The following ICAM2 variants were observed in gnomAD, a reference collection of about 807,000 sequenced individuals.
ICAM2 encodes intercellular adhesion molecule 2.
A neutral mutation model predicts 19.1 loss-of-function variants in ICAM2; 14 were observed. The observed-to-expected ratio is 0.73, with a 90% CI of 0.48 to 1.15. The LOEUF (loss-of-function observed/expected upper bound fraction) is 1.15, where lower values mean the gene tolerates loss of function less well. Among genes scored for constraint, ICAM2 ranks in the 50% most tolerant of loss-of-function variants. ICAM2 has a pLI of 0.00. For missense variants in ICAM2, 311 were observed against 355.4 expected (o/e 0.88, Z 1.00); for synonymous variants, 153 against 152.7 (o/e 1.00, Z -0.01).
At chr17:64,014,699 AAGGAAGG>A (rs1567849714) in intron 1 of ICAM2, among the ~76,000 whole-genome samples, 24 of 24,806 alleles carry the variant, frequency 9.7e-4, no homozygotes, top group African/African-American at 1.6e-3. Flanking sequence ...GGAAGGAAGG[AAGGAAGG>A]AAGGAAGGAA....
intron 3 of ICAM2, 146 bp from the exon 4 acceptor site, chr17:64,004,110 G>T: frequency 1.6e-6 from 1 of 627,564 alleles, no homozygotes; most frequent in Non-Finnish European, 2.8e-6. Flanking sequence ...AGAGGAAGAG[G>T]GCAGCAGTTG....
chr17:64,007,324 C>T (rs1296751209), intron 1 of ICAM2, among the ~76,000 whole-genome samples: 1 of 151,780 alleles, frequency 6.6e-6, no homozygotes, highest in African/African-American at 2.4e-5. Context: ...TGCTGTGGCA[C>T]AATTTTTGGT....
chr17:64,008,970 T>C (rs552767834), intron 1 of ICAM2, among the ~76,000 whole-genome samples: 7 of 152,340 alleles, frequency 4.6e-5, no homozygotes, highest in African/African-American at 1.7e-4. Flanking sequence ...CCTCCTGTGA[T>C]GTCTCCCATC....
chr17:64,005,419 C>G (rs755745759), intron 2 of ICAM2, 46 bp from the exon 3 acceptor site: 4 of 1,590,094 alleles, frequency 2.5e-6, no homozygotes, highest in African/African-American at 1.3e-5. Flanking sequence ...CCCCCACCCC[C>G]TGCCCTCCAG....
At chr17:64,004,651 T>G in intron 3 of ICAM2, 1 of 234,386 alleles carries the variant, frequency 4.3e-6, no homozygotes, top group East Asian at 9.8e-5. Flanking sequence ...TGGAAGGTTT[T>G]CATGGCTCAT....
intron 1 of ICAM2, among the ~76,000 whole-genome samples, chr17:64,017,189 C>T (rs1272220609): frequency 6.6e-6 from 1 of 152,086 alleles, no homozygotes. Context: ...TTGTATATGG[C>T]GTGACTACCC....
At chr17:64,004,010 T>C in intron 3 of ICAM2, 46 bp from the exon 4 acceptor site, 1 of 1,425,890 alleles carries the variant, frequency 7.0e-7, no homozygotes, top group South Asian at 1.3e-5. Flanking sequence ...GGGGGTGCAG[T>C]CCCAGCAGCC....
intron 1 of ICAM2, among the ~76,000 whole-genome samples, chr17:64,008,805 A>G (rs1911327108): frequency 6.6e-6 from 1 of 152,186 alleles, no homozygotes; most frequent in South Asian, 2.1e-4. Flanking sequence ...GGGGTGATCC[A>G]TGCCTGGAGT....
intron 1 of ICAM2, among the ~76,000 whole-genome samples, chr17:64,019,295 A>C (rs1911847415): frequency 6.6e-6 from 1 of 152,122 alleles, no homozygotes. Flanking sequence ...TGAGGTGGGA[A>C]GATCACTGGA....
chr17:64,014,674 AAAGAAAGGAAGGAAGGAAGGAAGGAAGG>A (rs1911629281), intron 1 of ICAM2, among the ~76,000 whole-genome samples: 2 of 98,572 alleles, frequency 2.0e-5, no homozygotes, highest in Non-Finnish European at 4.1e-5. Context: ...AGAGAGAAAG[AAAGAAAGGAAGGAAGGAAGGAAGGAAGG>A]AAGGAAGGAA....
chr17:64,005,016 C>T, intron 3 of ICAM2, 91 bp downstream of exon 3: 1 of 1,460,016 alleles, frequency 6.8e-7, no homozygotes, highest in Non-Finnish European at 9.5e-7. Flanking sequence ...ATGACAGTGC[C>T]CAGGAGCAGG....
chr17:64,014,730 AAAGAAAGAAAG>A (rs1911648176), intron 1 of ICAM2, among the ~76,000 whole-genome samples: 1 of 16,682 alleles, frequency 6.0e-5, no homozygotes, highest in African/African-American at 8.0e-5. Flanking sequence ...AGGAAGAAAG[AAAGAAAGAAAG>A]AAAGAAAGAA....
rs778211248 is a variant in ICAM2 at position 64,003,813 on chromosome 17, G to C, written c.480C>G (p.Thr160=). The change falls in exon 4 of 5, where the codon ACC becomes ACG. Residue 160 remains threonine, a synonymous_variant. Transcript: ENST00000579788. ...GCGGAGCAGGGGCTGCCTTCCCGAA[G>C]GTCTCATAGTGCAGAGTCTCATTGC... ...FRGNETLHYE[T]FGKAAPAPQE... 1 of 1,614,246 alleles carries C rather than the reference G, an allele frequency of 6.2e-7. No individual in the cohort carries two copies. The highest frequency in any genetic ancestry group is 2.2e-5 in the East Asian group (1 of 44,886).
At chr17:64,003,612 A>C in intron 4 of ICAM2, 32 bp downstream of exon 4, 2 of 1,581,792 alleles carry the variant, frequency 1.3e-6, no homozygotes, top group Non-Finnish European at 1.7e-6. Context: ...GTGACTTATC[A>C]CTCCCAACTC....
At chr17:64,004,260 A>G (rs1367732398) in intron 3 of ICAM2, 2 of 385,018 alleles carry the variant, frequency 5.2e-6, no homozygotes, top group Non-Finnish European at 9.4e-6. Flanking sequence ...TCCTTCAGAA[A>G]TGAAATATAA....
At chr17:64,009,270 G>C (rs922085931) in intron 1 of ICAM2, among the ~76,000 whole-genome samples, 1 of 151,926 alleles carries the variant, frequency 6.6e-6, no homozygotes, top group South Asian at 2.1e-4. Context: ...CTGGGCGAAG[G>C]CTGTTTTTAG....
chr17:64,005,281 A>G lies in ICAM2; in HGVS notation c.154T>C (p.Cys52Arg), dbSNP rs1278975315. ...AGACCACCCACTTCAGGCTGGTTAC[A>G]GGTGGTGCTGCAGTTGACCTCGAGG... is the stretch of plus-strand genomic sequence containing the variant. ...GSLEVNCSTTCNQPEVGGLET... is the reference protein window; with the variant it reads ...GSLEVNCSTTRNQPEVGGLET... Residue 52 changes from cysteine to arginine, a missense_variant, in exon 3 of 5, where the codon TGT becomes CGT. Cys to Arg is a radical substitution (Grantham distance 180, BLOSUM62 -3). Coordinates refer to ENST00000579788, the MANE Select transcript of ICAM2 (RefSeq NM_001099789.2). The G allele has an allele frequency of 1.2e-6, 2 of 1,614,166 alleles. No individual in the cohort carries two copies. The highest frequency in any genetic ancestry group is 2.2e-5 in the South Asian group (2 of 91,088).
intron 4 of ICAM2, 69 bp downstream of exon 4, chr17:64,003,575 G>T: frequency 1.4e-6 from 2 of 1,457,824 alleles, no homozygotes; most frequent in Non-Finnish European, 9.4e-7. Context: ...TGGGACTCAA[G>T]ATTTTTCTTC....
At chr17:64,003,468 G>A in intron 4 of ICAM2, 176 bp downstream of exon 4, 1 of 638,536 alleles carries the variant, frequency 1.6e-6, no homozygotes, top group Non-Finnish European at 2.7e-6. Flanking sequence ...AGCAGTTGAG[G>A]TCCAAGCTGG....
Sources: gnomAD v4.1 joint callset for allele counts (sites outside exome capture counted in the v4.1 genomes callset) on GRCh38, gnomAD v4.1.1 for gene constraint, MANE v1.5 for transcripts, NCBI Gene and HGNC (gene_info 2026-07-23, HGNC 2026-07-21) for gene names.